PLEKHA5: variants seen among roughly 807,000 people sequenced by gnomAD.
PLEKHA5 encodes the protein pleckstrin homology domain containing A5.
In PLEKHA5, 55 loss-of-function variants were observed where a neutral mutation model predicts 181.9. The ratio of observed to expected loss-of-function variants is 0.30; its 90% CI spans 0.24 to 0.38. PLEKHA5 has a LOEUF of 0.38. Among genes scored for constraint, PLEKHA5 ranks in the 10% least tolerant of loss-of-function variants. The pLI is 1.00. For missense variants in PLEKHA5, 1,432 were observed against 1,549.5 expected, an observed-to-expected ratio of 0.92 and a Z score of 1.27; for synonymous variants, 535 against 529.4, an observed-to-expected ratio of 1.01 and a Z score of -0.15.
In PLEKHA5 at chr12:19,262,491, A is replaced by T. The variant is rs529583074; in HGVS notation, c.610+1470A>T. On this transcript the variant is annotated intron_variant, in intron 7 of 31. Coordinates refer to ENST00000429027, the MANE Select transcript of PLEKHA5 (RefSeq NM_001256470.2). ...TGACCTTAAATGATCCACCTGCCTC[A>T]GCCTCCCAAAGTGCTGGGATTACAG... 2.0e-5 allele frequency among the ~76,000 whole-genome samples: 3 copies of T among 152,232 alleles called. 1 individual carries two copies. Among genetic ancestry groups the T allele is most frequent in the African/African-American group, 7.2e-5 (3 of 41,544 alleles).
intron 3 of PLEKHA5, among the ~76,000 whole-genome samples, chr12:19,209,658 T>G (rs2056504337): frequency 6.6e-6 from 1 of 152,180 alleles, no homozygotes; most frequent in African/African-American, 2.4e-5. Context: ...GCTTTACCAG[T>G]ATGGTCCTGA....
chr12:19,154,367 T>C (rs2041183899), intron 3 of PLEKHA5: 1 of 152,194 alleles, frequency 6.6e-6, no homozygotes, highest in African/African-American at 2.4e-5. Context: ...TTATACCTTA[T>C]TTTGTTCTTT....
At chr12:19,373,380 CAA>C (rs1315513654) in intron 31 of PLEKHA5, 38 of 114,518 alleles carry the variant, frequency 3.3e-4, no homozygotes, top group Non-Finnish European at 2.9e-4. Context: ...GACTTTGTCT[CAA>C]AAAAAAAAAA....
intron 3 of PLEKHA5, among the ~76,000 whole-genome samples, chr12:19,228,345 A>G (rs912633255): frequency 1.3e-5 from 2 of 152,110 alleles, no homozygotes; most frequent in Non-Finnish European, 1.5e-5. Flanking sequence ...TTTTACCCCA[A>G]TATATTTGCA....
In PLEKHA5 at chr12:19,346,029, A is replaced by G. The variant is rs925016724; in HGVS notation, c.2709+141A>G. ...GATATTGTTTTAGTCTTGAAATTTT[A>G]TTGGATCAGTAATTTGGTGCTTCTA... On this transcript the variant is annotated intron_variant, in intron 23 of 31. Coordinates refer to ENST00000429027, the MANE Select transcript of PLEKHA5 (RefSeq NM_001256470.2). The G allele has an allele frequency of 1.5e-4, 68 of 443,718 alleles. 1 individual carries two copies. The South Asian group carries it at 2.8e-3, about 19-fold the overall frequency. 27.5% of individuals were successfully genotyped at this position (443,718 alleles called of 1,614,324 possible). A position where few individuals can be genotyped will look rare whatever the true frequency, so the allele number is the denominator to read the frequency against.
chr12:19,230,270 C>T (rs1208544772), intron 3 of PLEKHA5, among the ~76,000 whole-genome samples: 4 of 152,222 alleles, frequency 2.6e-5, no homozygotes, highest in African/African-American at 9.6e-5. Flanking sequence ...TCCAAGTCCC[C>T]ACTAGACTCA....
intron 2 of PLEKHA5, among the ~76,000 whole-genome samples, chr12:19,131,474 A>C (rs1043084732): frequency 6.6e-6 from 1 of 152,210 alleles, no homozygotes; most frequent in Non-Finnish European, 1.5e-5. Context: ...GGTGTTTTAC[A>C]CGCATATTCC....
intron 20 of PLEKHA5, among the ~76,000 whole-genome samples, chr12:19,334,829 AATATATATATATAT>A (rs56763101): frequency 1.6e-4 from 3 of 18,608 alleles, no homozygotes; most frequent in African/African-American, 3.6e-4. Context: ...AAAAAAAAAA[AATATATATATATAT>A]ATATATATAT....
rs1040915448 is a variant in PLEKHA5, at chr12:19,311,344, G to A, written c.2038-3470G>A. ...TCCCAGCTACTTGGGAGGCTGAAGC[G>A]GCAGGATCGCTTGAGCCCAGGAGAG... On this transcript the variant is annotated intron_variant, in intron 15 of 31. Coordinates refer to ENST00000429027, the MANE Select transcript of PLEKHA5 (RefSeq NM_001256470.2). 4.0e-5 allele frequency among the ~76,000 whole-genome samples: 6 copies of A among 151,414 alleles called. No homozygotes were observed. The East Asian group carries it at 9.7e-4, about 24-fold the overall frequency.
intron 3 of PLEKHA5, among the ~76,000 whole-genome samples, chr12:19,196,473 G>A (rs897755289): frequency 3.3e-5 from 5 of 152,146 alleles, no homozygotes; most frequent in African/African-American, 1.2e-4. Context: ...TATCTAGCTA[G>A]CAAGAGTGTC....
At chr12:19,196,070 TC>T (rs1424423979) in intron 3 of PLEKHA5, among the ~76,000 whole-genome samples, 2 of 152,218 alleles carry the variant, frequency 1.3e-5, no homozygotes, top group African/African-American at 2.4e-5. Flanking sequence ...TATGTTTTTT[TC>T]CATGACATTG....
chr12:19,242,915 A>T (rs376545666), intron 3 of PLEKHA5, among the ~76,000 whole-genome samples: 2 of 152,242 alleles, frequency 1.3e-5, no homozygotes, highest in South Asian at 2.1e-4. Context: ...TCTGTTTTGG[A>T]GGTAATTTTG....
At chr12:19,185,236 C>T (rs1016628715) in intron 3 of PLEKHA5, among the ~76,000 whole-genome samples, 4 of 152,002 alleles carry the variant, frequency 2.6e-5, no homozygotes, top group Non-Finnish European at 5.9e-5. Context: ...CTCACATTTA[C>T]CTTGGAGAAA....
At chr12:19,366,395 C>T (rs995078567) in intron 30 of PLEKHA5, among the ~76,000 whole-genome samples, 1 of 152,138 alleles carries the variant, frequency 6.6e-6, no homozygotes, top group South Asian at 2.1e-4. Flanking sequence ...GTGGCTCACA[C>T]CTGTAATCCA....
At chr12:19,234,381 C>T (rs2061089922) in intron 3 of PLEKHA5, among the ~76,000 whole-genome samples, 1 of 152,116 alleles carries the variant, frequency 6.6e-6, no homozygotes, top group South Asian at 2.1e-4. Flanking sequence ...ATCTTATGGC[C>T]CCCTTCACAA....
At chr12:19,242,679 AT>A (rs141574942) in intron 3 of PLEKHA5, among the ~76,000 whole-genome samples, 7 of 151,944 alleles carry the variant, frequency 4.6e-5, no homozygotes, top group Admixed American at 6.6e-5. Context: ...TGAACATTTA[AT>A]TTTTTTCCCC....
intron 20 of PLEKHA5, 104 bp from the exon 21 acceptor site, chr12:19,336,411 T>C (rs1287712870): frequency 1.5e-6 from 1 of 647,096 alleles, no homozygotes; most frequent in Non-Finnish European, 2.7e-6. Flanking sequence ...TTTTGCTAAG[T>C]ATAAACTATA....
chr12:19,210,886 C>CTT (rs1197903526), intron 3 of PLEKHA5, among the ~76,000 whole-genome samples: 1 of 151,886 alleles, frequency 6.6e-6, no homozygotes, highest in African/African-American at 2.4e-5. Flanking sequence ...CTTTTCTCCA[C>CTT]TTTCTAAAGA....
chr12:19,145,259 A>G (rs190150928), intron 3 of PLEKHA5, among the ~76,000 whole-genome samples: 311 of 152,236 alleles, frequency 2.0e-3, no homozygotes, highest in African/African-American at 5.0e-3. Context: ...GACTAACTCT[A>G]TGATCGTTAG....
Sources: gnomAD v4.1 joint callset for allele counts (sites outside exome capture counted in the v4.1 genomes callset) on GRCh38, gnomAD v4.1.1 for gene constraint, MANE v1.5 for transcripts, NCBI Gene and HGNC (gene_info 2026-07-23, HGNC 2026-07-21) for gene names.